Variants in PTPRD observed in about 807,000 individuals in gnomAD.
The protein encoded by PTPRD is protein tyrosine phosphatase receptor type D.
In PTPRD, 34 loss-of-function variants were observed where a neutral mutation model predicts 214.5. The ratio of observed to expected loss-of-function variants is 0.16; its 90% CI spans 0.12 to 0.21. The LOEUF is 0.21. Among genes scored for constraint, PTPRD ranks in the 10% least tolerant of loss-of-function variants. The pLI, the probability that PTPRD is intolerant of heterozygous loss-of-function variation, is 1.00. For synonymous variants in PTPRD, 1,128 were observed against 845.7 expected (o/e 1.33, Z -5.79); for missense variants, 2,545 against 2,398.7 (o/e 1.06, Z -1.27).
At chr9:9,808,098 C>G (rs1300174717) in intron 5 of PTPRD, among the ~76,000 whole-genome samples, 1 of 152,082 alleles carries the variant, frequency 6.6e-6, no homozygotes, top group Non-Finnish European at 1.5e-5. Flanking sequence ...GATTATGAAT[C>G]CTTGTTTAAG....
intron 11 of PTPRD, among the ~76,000 whole-genome samples, chr9:8,752,816 C>A (rs544096385): frequency 7.2e-5 from 11 of 152,104 alleles, no homozygotes; most frequent in Admixed American, 7.2e-4. Flanking sequence ...ACAGCAGAAC[C>A]ACCAAGTTGA....
At chr9:10,472,902 T>C (rs1829589596) in intron 2 of PTPRD, among the ~76,000 whole-genome samples, 1 of 151,974 alleles carries the variant, frequency 6.6e-6, no homozygotes, top group African/African-American at 2.4e-5. Context: ...AAAATTATAG[T>C]ATTTAAAAAC....
intron 7 of PTPRD, among the ~76,000 whole-genome samples, chr9:9,596,872 C>A (rs1240750230): frequency 1.3e-5 from 2 of 151,982 alleles, no homozygotes; most frequent in East Asian, 1.9e-4. Context: ...TATATGATAT[C>A]ATTCACAGAT....
intron 3 of PTPRD, among the ~76,000 whole-genome samples, chr9:10,220,145 G>C (rs1188065798): frequency 1.3e-5 from 2 of 151,458 alleles, no homozygotes; most frequent in Admixed American, 6.6e-5. Flanking sequence ...ATTTTTTTTA[G>C]TATCACTTTT....
chr9:8,569,090 C>T (rs2090320063), intron 14 of PTPRD, among the ~76,000 whole-genome samples: 1 of 152,110 alleles, frequency 6.6e-6, no homozygotes, highest in South Asian at 2.1e-4. Flanking sequence ...GAGGCTTCCT[C>T]TCCCAAACTA....
At chr9:8,782,378 A>G (rs1374773391) in intron 11 of PTPRD, among the ~76,000 whole-genome samples, 1 of 152,010 alleles carries the variant, frequency 6.6e-6, no homozygotes, top group African/African-American at 2.4e-5. Flanking sequence ...TCTTTTAGCA[A>G]TTTTCAAGTT....
At chr9:9,140,768 C>G (rs567355351) in intron 10 of PTPRD, among the ~76,000 whole-genome samples, 2 of 152,046 alleles carry the variant, frequency 1.3e-5, no homozygotes, top group East Asian at 3.9e-4. Context: ...TTAGTAGAGA[C>G]GGGGTTTCAC....
At chr9:9,732,214 G>C (rs2154442857) in intron 7 of PTPRD, among the ~76,000 whole-genome samples, 1 of 152,092 alleles carries the variant, frequency 6.6e-6, no homozygotes, top group Non-Finnish European at 1.5e-5. Context: ...AACCTTATTA[G>C]CTTTGAGATT....
At chr9:9,198,770 C>G (rs143506179) in intron 9 of PTPRD, among the ~76,000 whole-genome samples, 120 of 152,230 alleles carry the variant, frequency 7.9e-4, no homozygotes, top group Non-Finnish European at 1.6e-3. Context: ...AGTGTCTTAC[C>G]TTAATGGAAA....
chr9:9,736,368 T>C (rs953399469), intron 6 of PTPRD, among the ~76,000 whole-genome samples: 2 of 152,094 alleles, frequency 1.3e-5, no homozygotes, highest in African/African-American at 4.8e-5. Context: ...ATAACTGCAG[T>C]TAGTTTTCAT....
intron 3 of PTPRD, among the ~76,000 whole-genome samples, chr9:10,336,803 A>C (rs570204029): frequency 3.8e-4 from 57 of 151,862 alleles, no homozygotes; most frequent in African/African-American, 1.4e-3. Flanking sequence ...TTAGACCAGT[A>C]ATGAAATCTG....
intron 7 of PTPRD, among the ~76,000 whole-genome samples, chr9:9,665,428 C>T (rs973290977): frequency 6.6e-6 from 1 of 151,696 alleles, no homozygotes; most frequent in African/African-American, 2.4e-5. Flanking sequence ...TATAAATGCT[C>T]ACTGTGATAG....
At chr9:8,934,664 C>G (rs1311791653) in intron 11 of PTPRD, among the ~76,000 whole-genome samples, 2 of 149,060 alleles carry the variant, frequency 1.3e-5, no homozygotes, top group East Asian at 4.0e-4. Context: ...CTAGTATACC[C>G]TAGAGTATTA....
intron 8 of PTPRD, among the ~76,000 whole-genome samples, chr9:9,509,913 A>C (rs2096659885): frequency 6.6e-6 from 1 of 151,618 alleles, no homozygotes; most frequent in South Asian, 2.1e-4. Context: ...CCTTGTATCT[A>C]ATGTAACTGC....
chr9:8,894,537 T>C (rs971542625), intron 11 of PTPRD, among the ~76,000 whole-genome samples: 1 of 152,012 alleles, frequency 6.6e-6, no homozygotes, highest in Non-Finnish European at 1.5e-5. Context: ...GCTTAGAAAC[T>C]GTAAGTGGGT....
At chr9:10,129,766 A>T (rs2098845779) in intron 3 of PTPRD, among the ~76,000 whole-genome samples, 1 of 151,954 alleles carries the variant, frequency 6.6e-6, no homozygotes, top group Admixed American at 6.6e-5. Flanking sequence ...TTTCCACCTA[A>T]ATATTTTACT....
At chr9:8,659,122 G>C (rs1732979743) in intron 12 of PTPRD, among the ~76,000 whole-genome samples, 1 of 152,074 alleles carries the variant, frequency 6.6e-6, no homozygotes, top group South Asian at 2.1e-4. Context: ...CCATTCCTTT[G>C]AAGCAGAACA....
At chr9:10,428,121 C>CCTGGCCAACATGGTGAAACCCCATCTCTA (rs2098641333) in intron 2 of PTPRD, among the ~76,000 whole-genome samples, 1 of 151,866 alleles carries the variant, frequency 6.6e-6, no homozygotes, top group Non-Finnish European at 1.5e-5. Context: ...TTGAGACCAG[C>CCTGGCCAACATGGTGAAACCCCATCTCTA]CTGGCCAACA....
At chr9:9,408,677 G>C (rs540231449) in intron 8 of PTPRD, among the ~76,000 whole-genome samples, 2 of 151,960 alleles carry the variant, frequency 1.3e-5, no homozygotes, top group East Asian at 3.9e-4. Context: ...TGGGTTATCA[G>C]ACAGAACATT....
Sources: allele counts gnomAD v4.1 joint callset (sites outside exome capture counted in the v4.1 genomes callset), GRCh38; gene constraint gnomAD v4.1.1; transcripts MANE v1.5; gene names NCBI Gene and HGNC (gene_info 2026-07-23, HGNC 2026-07-21).